Variants in ZNF814 observed in about 807,000 individuals in gnomAD.
The protein encoded by ZNF814 is zinc finger protein 814.
Under a neutral mutation model 7.5 loss-of-function variants are expected in ZNF814, and 5 were observed. The ratio of observed to expected loss-of-function variants is 0.67; its 90% CI spans 0.35 to 1.40. The LOEUF (loss-of-function observed/expected upper bound fraction) is 1.40. ZNF814 is among the 40% of genes most tolerant of loss of function. The probability of loss-of-function intolerance (pLI) is 0.04; values close to 1 mark genes in which losing one functional copy is unlikely to be tolerated. For missense variants in ZNF814, 962 were observed against 1,018.0 expected (o/e 0.94, Z 0.75); for synonymous variants, 315 against 340.7 (o/e 0.92, Z 0.83).
rs1281420101 is a variant in ZNF814, at chr19:57,870,242, T to C, written c.*2580A>G. 6.6e-6 allele frequency: 1 copy of C among 152,106 alleles called. No homozygotes were observed. The highest frequency in any genetic ancestry group is 1.5e-5 in the Non-Finnish European group (1 of 68,010). The allele number at this position is 152,106 out of a possible 1,614,324, so 9.4% of individuals were successfully genotyped here. A position where few individuals can be genotyped will look rare whatever the true frequency, so the allele number is the denominator to read the frequency against. On this transcript the variant is annotated 3_prime_UTR_variant, in exon 3 of 3. Coordinates refer to ENST00000435989, the MANE Select transcript of ZNF814 (RefSeq NM_001144989.2). ...CTGGGCAACAGAGCAAGACTCCGTC[T>C]CAAAATAAATAATAATAATAATTAA...
In ZNF814 at chr19:57,871,257, A is replaced by G. The variant is rs1486524562; in HGVS notation, c.*1565T>C. On this transcript the variant is annotated 3_prime_UTR_variant, in exon 3 of 3. Coordinates refer to ENST00000435989, the MANE Select transcript of ZNF814 (RefSeq NM_001144989.2). ...AAAATGCCAGAAATTGTCACAAAAA[A>G]TGCCCTGTATCCAGCTGACCTATGA... 6.6e-6 allele frequency: 1 copy of G among 152,178 alleles called. No homozygotes were observed. Among genetic ancestry groups the G allele is most frequent in the Non-Finnish European group, 1.5e-5 (1 of 68,044 alleles). The allele number at this position is 152,178 out of a possible 1,614,324, so 9.4% of individuals were successfully genotyped here. A position where few individuals can be genotyped will look rare whatever the true frequency, so the allele number is the denominator to read the frequency against.
chr19:57,903,827 G>A, the ZNF814 span, among the ~76,000 whole-genome samples: 2 of 152,198 alleles, frequency 1.3e-5, no homozygotes, highest in Admixed American at 6.5e-5. Context: ...GATAGCTGTG[G>A]CGGTTTTGCA....
intron 1 of ZNF814, among the ~76,000 whole-genome samples, chr19:57,883,098 C>G (rs1600139192): frequency 6.6e-6 from 1 of 151,348 alleles, no homozygotes; most frequent in South Asian, 2.1e-4. Flanking sequence ...GTGGCTCACA[C>G]CTGTAATCCC....
At position 57,874,815 on chromosome 19, in the gene ZNF814, T is replaced by C; in HGVS notation, c.575A>G (p.His192Arg). The C allele has an allele frequency of 6.2e-7, 1 of 1,614,162 alleles. No individual in the cohort carries two copies. Among genetic ancestry groups the C allele is most frequent in the Non-Finnish European group, 8.5e-7 (1 of 1,180,020 alleles). Residue 192 changes from histidine (H) to arginine (R), a missense_variant, in exon 3 of 3, where the codon CAC becomes CGC. By Grantham distance (29) the His-to-Arg change is conservative (BLOSUM62 0). Around this residue, in one of 7 missense-constraint regions of ZNF814, gnomAD observed 126 missense variants for 123.5 expected, o/e 1.02. Coordinates refer to ENST00000435989, the MANE Select transcript of ZNF814 (RefSeq NM_001144989.2). ...RSGLLQQEASHTGEKSNSKTE... is the reference protein window; with the variant it reads ...RSGLLQQEASRTGEKSNSKTE... ...TTTGCTGTTTGACTTCTCCCCAGTG[T>C]GACTGGCCTCCTGCTGGAGTAATCC...
At chr19:57,875,300 T>G (rs2071597027) in intron 2 of ZNF814, 74 bp from the exon 3 acceptor site, 16 of 1,602,472 alleles carry the variant, frequency 1.0e-5, no homozygotes, top group African/African-American at 1.3e-5. Context: ...CAAGTGTATC[T>G]GAAAAACTGA....
Position 57,888,793 on chromosome 19 carries a change from C to CG in ZNF814, c.9dup (p.Ala4ArgfsTer15). On this transcript the variant is annotated frameshift_variant, in exon 1 of 3. Coordinates refer to ENST00000435989, the MANE Select transcript of ZNF814 (RefSeq NM_001144989.2). LOFTEE classifies it high-confidence loss of function. The stretch of plus-strand genomic sequence containing the variant: ...TGAGCGGAGAGCCTCAGCGTAGCCG[C>CG]GGCAGCCATCGAACCACGTGGTTTT... 6.4e-7 allele frequency: 1 copy of CG among 1,551,960 alleles called. No homozygotes were observed. The highest frequency in any genetic ancestry group is 8.7e-7 in the Non-Finnish European group (1 of 1,147,158).
rs563668624 is a variant in ZNF814, at chr19:57,873,697, G to C, written c.1693C>G (p.Leu565Val). The change falls in exon 3 of 3, where the codon CTA becomes GTA. Residue 565 changes from leucine to valine, a missense_variant. Leu to Val is a conservative substitution (Grantham distance 32). This residue lies in a region of ZNF814 where 665 missense variants were observed against 551.4 expected (regional missense o/e 1.21). Coordinates refer to ENST00000435989, the MANE Select transcript of ZNF814 (RefSeq NM_001144989.2). ...KSFSHKGTLI[L>V]HQRVHPRERS... The stretch of plus-strand genomic sequence containing the variant: ...TCTCTAGGGTGAACTCGCTGATGTA[G>C]AATGAGGGTGCCTTTATGACTAAAA... The C allele has an allele frequency of 1.1e-4, 182 of 1,613,334 alleles. 1 individual carries two copies. The Middle Eastern group carries it at 2.3e-3, about 20-fold the overall frequency.
intron 1 of ZNF814, 27 bp downstream of exon 1, chr19:57,888,740 T>G (rs767532928): frequency 2.7e-5 from 42 of 1,553,560 alleles, no homozygotes; most frequent in Non-Finnish European, 3.6e-5. Context: ...TGAGGTGACC[T>G]GAGGACACAG....
In ZNF814 at chr19:57,873,622, G is replaced by A. The variant is rs771365517; in HGVS notation, c.1768C>T (p.His590Tyr). 155 of 1,611,924 alleles carry A rather than the reference G, an allele frequency of 9.6e-5. No individual in the cohort carries two copies. The highest frequency in any genetic ancestry group is 1.7e-5 in the Admixed American group (1 of 59,816). ...TGAACGCGCTGATGGCTCCTAAGGT[G>A]CCCGATTGAACTAAAAGATTTCCCA... The part of the protein sequence containing the change: ...ECGKSFSSIG[H>Y]LRSHQRVHTG... Residue 590 changes from histidine (H) to tyrosine (Y), a missense_variant, in exon 3 of 3, where the codon CAC becomes TAC. Around this residue, in one of 7 missense-constraint regions of ZNF814, gnomAD observed 665 missense variants for 551.4 expected, o/e 1.21. Transcript: ENST00000435989.
At chr19:57,901,407 C>T in the ZNF814 span, among the ~76,000 whole-genome samples, 1 of 152,106 alleles carries the variant, frequency 6.6e-6, no homozygotes, top group Non-Finnish European at 1.5e-5. Context: ...AAATGCCAGA[C>T]AAGATATACA....
the ZNF814 span, among the ~76,000 whole-genome samples, chr19:57,894,510 G>GATCACAC: frequency 6.6e-6 from 1 of 151,984 alleles, no homozygotes; most frequent in African/African-American, 2.4e-5. Context: ...AGTGCTTCTT[G>GATCACAC]ATCACACCTA....
the ZNF814 span, among the ~76,000 whole-genome samples, chr19:57,898,770 G>A: frequency 1.3e-5 from 2 of 152,104 alleles, no homozygotes; most frequent in African/African-American, 2.4e-5. Context: ...GTGAAACCCT[G>A]TCTCTACTAA....
chr19:57,892,488 T>C (rs1217409894), upstream of ZNF814, among the ~76,000 whole-genome samples: 1 of 152,322 alleles, frequency 6.6e-6, no homozygotes, highest in East Asian at 1.9e-4. Context: ...GTTAGGGGGT[T>C]AGAGGCCCCT....
At chr19:57,895,567 C>G in the ZNF814 span, among the ~76,000 whole-genome samples, 1 of 152,054 alleles carries the variant, frequency 6.6e-6, no homozygotes, top group Admixed American at 6.6e-5. Context: ...TGAGTCACCG[C>G]ACCTGGCCAC....
At chr19:57,894,547 C>T in the ZNF814 span, among the ~76,000 whole-genome samples, 10 of 151,394 alleles carry the variant, frequency 6.6e-5, no homozygotes, top group East Asian at 3.9e-4. Context: ...AAAGCATAGC[C>T]GGCTGGGTGC....
At chr19:57,889,787 A>G (rs1053218616), upstream of ZNF814, among the ~76,000 whole-genome samples, 2 of 151,856 alleles carry the variant, frequency 1.3e-5, no homozygotes, top group Admixed American at 6.6e-5. Context: ...TCTCTTGTAC[A>G]TGGGAGTCAG....
intron 2 of ZNF814, among the ~76,000 whole-genome samples, chr19:57,875,950 T>TC (rs1416900050): frequency 1.9e-4 from 2 of 10,706 alleles, no homozygotes; most frequent in Non-Finnish European, 3.9e-4. Flanking sequence ...CCGCTTTTTT[T>TC]TTTTTTTTTT....
At chr19:57,893,887 T>C (rs2071744925), upstream of ZNF814, among the ~76,000 whole-genome samples, 3 of 148,042 alleles carry the variant, frequency 2.0e-5, no homozygotes, top group African/African-American at 7.5e-5. Flanking sequence ...ACCATTGCAC[T>C]CCAGCGTGGG....
chr19:57,870,524 GA>G lies in ZNF814; in HGVS notation c.*2297del, dbSNP rs1297135711. On this transcript the variant is annotated 3_prime_UTR_variant, in exon 3 of 3. Coordinates refer to ENST00000435989, the MANE Select transcript of ZNF814 (RefSeq NM_001144989.2). ...CTGTTAATGCAGGAATGACCTTGAG[GA>G]GAACAGCCCAGAATGAGTACAGGAA... 2 of 152,176 alleles carry G rather than the reference GA, an allele frequency of 1.3e-5. No homozygotes were observed. Among genetic ancestry groups the G allele is most frequent in the East Asian group, 3.8e-4 (2 of 5,196 alleles). 9.4% of individuals were successfully genotyped at this position (152,176 alleles called of 1,614,324 possible). A position where few individuals can be genotyped will look rare whatever the true frequency, so the allele number is the denominator to read the frequency against.
Sources: allele counts gnomAD v4.1 joint callset (sites outside exome capture counted in the v4.1 genomes callset), GRCh38; gene constraint gnomAD v4.1.1; regional missense constraint gnomAD v4.1.1; transcripts MANE v1.5; gene names NCBI Gene and HGNC (gene_info 2026-07-23, HGNC 2026-07-21).